Variants in TOP6BL observed in about 807,000 individuals in gnomAD.
TOP6BL encodes the protein TOP6B like initiator of meiotic double strand breaks.
the TOP6BL span, among the ~76,000 whole-genome samples, chr11:66,830,477 A>C: frequency 9.5e-3 from 1,440 of 152,300 alleles, 5 homozygotes; most frequent in Non-Finnish European, 0.015. Flanking sequence ...TTTCCAACTG[A>C]AACTAGAATA....
chr11:66,762,462 AC>A, the TOP6BL span: 2 of 277,548 alleles, frequency 7.2e-6, no homozygotes, highest in South Asian at 3.5e-5. Flanking sequence ...TACCCAGAGT[AC>A]CCTTTTTTGT....
At chr11:66,802,036 C>G in the TOP6BL span, among the ~76,000 whole-genome samples, 5 of 152,190 alleles carry the variant, frequency 3.3e-5, no homozygotes, top group African/African-American at 7.2e-5. Context: ...GGGTCTCAGT[C>G]TGTTCAACCC....
chr11:66,794,254 A>G, the TOP6BL span, among the ~76,000 whole-genome samples: 5 of 151,674 alleles, frequency 3.3e-5, no homozygotes, highest in African/African-American at 1.2e-4. Context: ...ACATATACCT[A>G]GTACATGGCT....
chr11:66,795,644 T>G, the TOP6BL span, among the ~76,000 whole-genome samples: 1 of 151,740 alleles, frequency 6.6e-6, no homozygotes, highest in Non-Finnish European at 1.5e-5. Context: ...TTCTGTGAGG[T>G]CAAAGCGGTA....
chr11:66,783,453 T>C, the TOP6BL span, among the ~76,000 whole-genome samples: 11 of 152,212 alleles, frequency 7.2e-5, no homozygotes, highest in African/African-American at 2.7e-4. Context: ...TCTTTGAAGA[T>C]AGTACTGGAT....
the TOP6BL span, chr11:66,796,155 C>T: frequency 1.5e-6 from 1 of 646,534 alleles, no homozygotes; most frequent in Non-Finnish European, 2.7e-6. Context: ...CCAAAGATGT[C>T]TCCCTTTGGT....
the TOP6BL span, among the ~76,000 whole-genome samples, chr11:66,777,279 T>C: frequency 2.0e-5 from 3 of 151,902 alleles, no homozygotes; most frequent in South Asian, 2.1e-4. Context: ...TTCTTTTTTT[T>C]CCCCCATTAT....
chr11:66,796,280 G>C, the TOP6BL span: 2 of 1,605,896 alleles, frequency 1.2e-6, no homozygotes, highest in Non-Finnish European at 1.7e-6. Flanking sequence ...TATTATTACA[G>C]GTTGATGAAA....
chr11:66,769,259 G>A, the TOP6BL span, among the ~76,000 whole-genome samples: 11 of 152,090 alleles, frequency 7.2e-5, no homozygotes, highest in Non-Finnish European at 1.6e-4. Context: ...AAGAACTAAA[G>A]CTATAAAACT....
At chr11:66,778,598 A>T in the TOP6BL span, among the ~76,000 whole-genome samples, 1 of 152,154 alleles carries the variant, frequency 6.6e-6, no homozygotes, top group East Asian at 1.9e-4. Flanking sequence ...CAAGGTAATT[A>T]ATAGATTCAA....
the TOP6BL span, among the ~76,000 whole-genome samples, chr11:66,823,521 A>T: frequency 6.6e-6 from 1 of 152,082 alleles, no homozygotes; most frequent in Non-Finnish European, 1.5e-5. Flanking sequence ...TCACACAGCT[A>T]GTTAAGAACA....
At chr11:66,819,484 C>A in the TOP6BL span, among the ~76,000 whole-genome samples, 1 of 152,212 alleles carries the variant, frequency 6.6e-6, no homozygotes, top group Non-Finnish European at 1.5e-5. Flanking sequence ...CAAAACACTT[C>A]ATGGGCTAGG....
the TOP6BL span, chr11:66,748,599 C>A: frequency 5.5e-6 from 6 of 1,082,576 alleles, no homozygotes; most frequent in Admixed American, 3.2e-5. Context: ...CAATTAGAAT[C>A]TTTTATCATG....
chr11:66,805,101 G>T, the TOP6BL span, among the ~76,000 whole-genome samples: 1 of 152,142 alleles, frequency 6.6e-6, no homozygotes, highest in African/African-American at 2.4e-5. Context: ...AGGCGTGGTG[G>T]TGTACGCCTA....
chr11:66,838,101 C>T, the TOP6BL span, among the ~76,000 whole-genome samples: 2 of 152,030 alleles, frequency 1.3e-5, no homozygotes, highest in African/African-American at 4.8e-5. Context: ...ATGCAGAGCC[C>T]GAGGAATGGG....
the TOP6BL span, among the ~76,000 whole-genome samples, chr11:66,813,239 A>AC: frequency 6.6e-6 from 1 of 152,128 alleles, no homozygotes; most frequent in East Asian, 1.9e-4. Flanking sequence ...TTGTCTTTGT[A>AC]CCCCAAGAAC....
chr11:66,761,133 A>T, the TOP6BL span, among the ~76,000 whole-genome samples: 1 of 152,062 alleles, frequency 6.6e-6, no homozygotes, highest in African/African-American at 2.4e-5. Flanking sequence ...GCACTTTGGG[A>T]GGCTGAAGTG....
the TOP6BL span, among the ~76,000 whole-genome samples, chr11:66,799,299 C>T: frequency 0.012 from 1,596 of 131,218 alleles, 36 homozygotes; most frequent in African/African-American, 0.042. Context: ...GGCAGGAGAA[C>T]TGATTGAACC....
the TOP6BL span, among the ~76,000 whole-genome samples, chr11:66,773,108 C>T: frequency 2.0e-5 from 3 of 152,102 alleles, no homozygotes; most frequent in Non-Finnish European, 4.4e-5. Context: ...TGGTCTCTGT[C>T]GCCCAGGCTG....
Sources: allele counts gnomAD v4.1 joint callset (sites outside exome capture counted in the v4.1 genomes callset), GRCh38; gene constraint gnomAD v4.1.1; transcripts MANE v1.5; gene names NCBI Gene and HGNC (gene_info 2026-07-23, HGNC 2026-07-21).